Variants in CEP192 observed in about 807,000 individuals in gnomAD.
CEP192 encodes the protein centrosomal protein 192.
In CEP192, 151 loss-of-function variants were observed where a neutral mutation model predicts 271.8. The ratio of observed to expected loss-of-function variants is 0.56; its 90% CI spans 0.49 to 0.64. The LOEUF (loss-of-function observed/expected upper bound fraction) is 0.64. Ranked by LOEUF, CEP192 falls within the 30% of genes least tolerant of loss-of-function variation. The pLI, the probability that CEP192 is intolerant of heterozygous loss-of-function variation, is 0.00. For synonymous variants in CEP192, 995 were observed against 1,076.5 expected (o/e 0.92, Z 1.48); for missense variants, 2,910 against 3,020.5 (o/e 0.96, Z 0.86).
chr18:13,105,984 GC>G (rs2039928547), intron 40 of CEP192, among the ~76,000 whole-genome samples: 1 of 152,050 alleles, frequency 6.6e-6, no homozygotes, highest in Admixed American at 6.6e-5. Flanking sequence ...CCCCAGCTGG[GC>G]CCAAAGCAGT....
At chr18:13,001,181 C>T (rs2033620304) in intron 2 of CEP192, among the ~76,000 whole-genome samples, 1 of 152,268 alleles carries the variant, frequency 6.6e-6, no homozygotes, top group African/African-American at 2.4e-5. Flanking sequence ...TAGTGAGGAG[C>T]ACCATCTTGA....
chr18:13,019,352 G>A (rs191065107), intron 9 of CEP192, 146 bp downstream of exon 9: 3 of 585,316 alleles, frequency 5.1e-6, no homozygotes, highest in East Asian at 6.8e-5. Context: ...ATAATTTTTC[G>A]ATATGTTTAT....
In CEP192 at chr18:13,103,605, T is replaced by C. The variant is rs1030198651; in HGVS notation, c.6951+17T>C. ...TATGTCAAGGTCAGTCATGACTGCC[T>C]CAGATATAATCGTTTTAATGTTTAG... On this transcript the variant is annotated intron_variant, in intron 39 of 44. Transcript: ENST00000506447. 1 of 1,569,776 alleles carries C rather than the reference T, an allele frequency of 6.4e-7. No individual in the cohort carries two copies. Among genetic ancestry groups the C allele is most frequent in the Admixed American group, 1.7e-5 (1 of 59,954 alleles).
chr18:13,008,407 A>T lies in CEP192; in HGVS notation c.291-49A>T, dbSNP rs1195188345. On this transcript the variant is annotated intron_variant, in intron 3 of 44. Coordinates refer to ENST00000506447, the MANE Select transcript of CEP192 (RefSeq NM_032142.4). ...TGATTAATAAATATTTTGTAGATTT[A>T]CCCAAGGTAACTAACATTTTATCAT... 5 of 1,251,878 alleles carry T rather than the reference A, an allele frequency of 4.0e-6. No homozygotes were observed. The Admixed American group carries it at 1.2e-4, about 30-fold the overall frequency. 77.5% of individuals were successfully genotyped at this position (1,251,878 alleles called of 1,614,324 possible).
intron 30 of CEP192, among the ~76,000 whole-genome samples, chr18:13,074,665 A>G (rs79857215): frequency 0.022 from 3,425 of 152,328 alleles, 66 homozygotes; most frequent in Non-Finnish European, 0.034. Context: ...CTGTCCTCTC[A>G]CAGAGGTGGG....
In CEP192 at chr18:13,008,487, A is replaced by G; in HGVS notation, c.322A>G (p.Ser108Gly). The change falls in exon 4 of 45, where the codon AGT (serine) becomes GGT (glycine). Residue 108 changes from serine (S) to glycine (G), a missense_variant. Ser to Gly is a moderately conservative substitution (Grantham distance 56). Coordinates refer to ENST00000506447, the MANE Select transcript of CEP192 (RefSeq NM_032142.4). ...SISRKKSYVE[S>G]QRLSNALSKQ... ...CTCTAGGAAAAAGAGCTATGTGGAA[A>G]GTCAACGTTTGTCAAATGCTCTCAG... 1 of 1,550,534 alleles carries G rather than the reference A, an allele frequency of 6.4e-7. No homozygotes were observed.
intron 3 of CEP192, among the ~76,000 whole-genome samples, chr18:13,005,144 G>A (rs944054185): frequency 6.6e-6 from 1 of 152,190 alleles, no homozygotes; most frequent in African/African-American, 2.4e-5. Flanking sequence ...ACCAGGTGAT[G>A]ATGCCACGGC....
intron 44 of CEP192, among the ~76,000 whole-genome samples, chr18:13,121,036 C>G (rs1250608041): frequency 6.6e-6 from 1 of 152,156 alleles, no homozygotes; most frequent in Non-Finnish European, 1.5e-5. Context: ...CAGTTCTTAC[C>G]ACAGAACTGA....
chr18:13,002,188 T>G (rs1400561020), intron 3 of CEP192, among the ~76,000 whole-genome samples: 1 of 152,204 alleles, frequency 6.6e-6, no homozygotes, highest in Non-Finnish European at 1.5e-5. Flanking sequence ...CATTTTTATT[T>G]GTAGTCTTCC....
chr18:13,043,045 C>A (rs1300988991), intron 15 of CEP192, among the ~76,000 whole-genome samples: 3 of 152,196 alleles, frequency 2.0e-5, no homozygotes, highest in African/African-American at 7.2e-5. Flanking sequence ...TGCTTCCTGT[C>A]ACCGCATGTC....
chr18:13,018,660 G>A, intron 8 of CEP192, 45 bp downstream of exon 8: 1 of 1,337,728 alleles, frequency 7.5e-7, no homozygotes, highest in Non-Finnish European at 1.0e-6. Context: ...TTCTAGTTTT[G>A]ACTTTACTTT....
Position 13,116,502 on chromosome 18 carries a change from CAG to C in CEP192, c.7416_7416+1del, listed in dbSNP as rs755009701. ...CGAAATAATTCTTTTATTACACACT[CAG>C]TAAGTTGGAAATATTACTATGGGTT... On this transcript the variant is annotated splice_donor_variant and coding_sequence_variant, in exon 43 of 45. Coordinates refer to ENST00000506447, the MANE Select transcript of CEP192 (RefSeq NM_032142.4). LOFTEE classifies it high-confidence loss of function. 8.1e-6 allele frequency: 13 copies of C among 1,596,202 alleles called. No individual in the cohort carries two copies. Among genetic ancestry groups the C allele is most frequent in the Non-Finnish European group, 6.8e-6 (8 of 1,173,998 alleles).
At chr18:13,070,544 A>G (rs1179240144) in intron 27 of CEP192, among the ~76,000 whole-genome samples, 2 of 152,226 alleles carry the variant, frequency 1.3e-5, no homozygotes, top group Admixed American at 1.3e-4. Flanking sequence ...GTGAATATCA[A>G]CTTAGAGTCA....
At chr18:13,097,649 A>ATT (rs1168883540) in intron 36 of CEP192, among the ~76,000 whole-genome samples, 2 of 107,876 alleles carry the variant, frequency 1.9e-5, no homozygotes, top group Non-Finnish European at 2.0e-5. Flanking sequence ...TTTAACTATT[A>ATT]TTTTTTTTTT....
At chr18:13,112,027 G>T (rs2040232424) in intron 40 of CEP192, among the ~76,000 whole-genome samples, 1 of 152,240 alleles carries the variant, frequency 6.6e-6, no homozygotes, top group African/African-American at 2.4e-5. Context: ...TTGCTGGAGG[G>T]TATGTGAAAT....
In CEP192 at chr18:13,063,935, C is replaced by T. The variant is rs541430168; in HGVS notation, c.4489-3896C>T. Among the ~76,000 whole-genome samples the T allele has an allele frequency of 8.6e-5, 13 of 151,910 alleles. No homozygotes were observed. The South Asian group carries it at 2.7e-3, about 32-fold the overall frequency. ...TCCCGGGTTCAAGCTGTTCTCCTGC[C>T]TCAGCCTCCCGAGTAGCTGGGATTA... On this transcript the variant is annotated intron_variant, in intron 21 of 44. Transcript: ENST00000506447.
chr18:13,105,653 A>G (rs931224247), intron 40 of CEP192, among the ~76,000 whole-genome samples: 3 of 152,236 alleles, frequency 2.0e-5, no homozygotes, highest in African/African-American at 7.2e-5. Flanking sequence ...AACTGACCGT[A>G]AAAGAATCTT....
At chr18:13,052,366 T>G (rs1313693564) in intron 17 of CEP192, among the ~76,000 whole-genome samples, 1 of 152,234 alleles carries the variant, frequency 6.6e-6, no homozygotes, top group Admixed American at 6.5e-5. Context: ...CTTTCCTACT[T>G]TTTGTCCACA....
chr18:13,109,351 C>T (rs1165637961), intron 40 of CEP192, among the ~76,000 whole-genome samples: 2 of 152,256 alleles, frequency 1.3e-5, no homozygotes, highest in East Asian at 1.9e-4. Flanking sequence ...ATTGGGTACT[C>T]ATGGATATAA....
Sources: gnomAD v4.1 joint callset for allele counts (sites outside exome capture counted in the v4.1 genomes callset) on GRCh38, gnomAD v4.1.1 for gene constraint, MANE v1.5 for transcripts, NCBI Gene and HGNC (gene_info 2026-07-23, HGNC 2026-07-21) for gene names.